Variants in OSBPL1A observed in about 807,000 individuals in gnomAD.
OSBPL1A encodes oxysterol-binding protein-related protein 1.
OSBPL1A carries 80 observed loss-of-function variants against 137.1 expected under a neutral mutation model. That is an observed-to-expected ratio of 0.58 (90% CI 0.49 to 0.70). The LOEUF is 0.70. OSBPL1A is among the 30% of genes least tolerant of loss of function. OSBPL1A has a pLI of 0.00. For missense variants in OSBPL1A, 970 were observed against 1,129.4 expected (o/e 0.86, Z 2.02); for synonymous variants, 365 against 389.7 (o/e 0.94, Z 0.75).
intron 13 of OSBPL1A, among the ~76,000 whole-genome samples, chr18:24,311,265 A>G (rs1048736701): frequency 6.6e-6 from 1 of 152,208 alleles, no homozygotes; most frequent in African/African-American, 2.4e-5. Flanking sequence ...TTTAATTTAT[A>G]AAGACAAAAA....
At chr18:24,380,260 T>TA (rs1012480237) in intron 1 of OSBPL1A, among the ~76,000 whole-genome samples, 2 of 151,912 alleles carry the variant, frequency 1.3e-5, no homozygotes, top group Admixed American at 6.6e-5. Flanking sequence ...TCACCAAAAT[T>TA]AAAAAACCAA....
intron 15 of OSBPL1A, among the ~76,000 whole-genome samples, chr18:24,264,429 C>T (rs1352104524): frequency 2.6e-5 from 4 of 152,042 alleles, no homozygotes; most frequent in Admixed American, 2.0e-4. Context: ...GGGTGTAACG[C>T]CAACTTATAA....
In OSBPL1A at chr18:24,377,504, G is replaced by A. The variant is rs771863156; in HGVS notation, c.30C>T (p.Leu10=). 1 of 1,610,348 alleles carries A rather than the reference G, an allele frequency of 6.2e-7. No individual in the cohort carries two copies. Among genetic ancestry groups the A allele is most frequent in the South Asian group, 1.1e-5 (1 of 89,834 alleles). MNTEAEQQL[L]HHARNGNAEE... is the part of the protein sequence containing the mutation. ...CAGCATTGCCATTTCTGGCGTGATG[G>A]AGAAGCTGTTGCTCCGCTTCTGTGT... Residue 10 remains leucine, a synonymous_variant, in exon 2 of 28, where the codon CTC becomes CTT. Coordinates refer to ENST00000319481, the MANE Select transcript of OSBPL1A (RefSeq NM_080597.4).
At chr18:24,314,981 T>C (rs2146117167) in intron 11 of OSBPL1A, among the ~76,000 whole-genome samples, 1 of 152,152 alleles carries the variant, frequency 6.6e-6, no homozygotes, top group Non-Finnish European at 1.5e-5. Flanking sequence ...TGGGAAAAGG[T>C]AGATTTCTTC....
At chr18:24,266,552 G>A (rs1209220332) in intron 15 of OSBPL1A, among the ~76,000 whole-genome samples, 1 of 152,134 alleles carries the variant, frequency 6.6e-6, no homozygotes, top group East Asian at 1.9e-4. Context: ...AAAAGAGGAA[G>A]AAGGTGAGCA....
At chr18:24,167,620 A>G (rs546306066) in intron 24 of OSBPL1A, among the ~76,000 whole-genome samples, 175 bp from the exon 25 acceptor site, 5 of 152,334 alleles carry the variant, frequency 3.3e-5, no homozygotes, top group African/African-American at 1.2e-4. Context: ...GGCACTGTGG[A>G]TCAAGTAAGG....
chr18:24,209,709 A>C (rs185867957), intron 17 of OSBPL1A, among the ~76,000 whole-genome samples: 33 of 152,366 alleles, frequency 2.2e-4, no homozygotes, highest in Non-Finnish European at 1.5e-5. Flanking sequence ...AAAAGGAAAG[A>C]GCAACGATAT....
chr18:24,270,200 C>A (rs2089683793), intron 15 of OSBPL1A, among the ~76,000 whole-genome samples: 1 of 152,102 alleles, frequency 6.6e-6, no homozygotes, highest in Admixed American at 6.5e-5. Context: ...TTTAGCCAAC[C>A]TTTTTATAAA....
At chr18:24,185,869 G>C (rs892566537) in intron 18 of OSBPL1A, among the ~76,000 whole-genome samples, 1 of 152,106 alleles carries the variant, frequency 6.6e-6, no homozygotes, top group Non-Finnish European at 1.5e-5. Context: ...CCAGGAATTC[G>C]AGACCCGCCT....
chr18:24,325,191 G>GT (rs1427330257), intron 7 of OSBPL1A, among the ~76,000 whole-genome samples: 1 of 152,270 alleles, frequency 6.6e-6, no homozygotes, highest in Non-Finnish European at 1.5e-5. Flanking sequence ...GGGTATAAAC[G>GT]TAAGGGATGG....
chr18:24,262,907 T>G (rs2089476398), intron 15 of OSBPL1A, among the ~76,000 whole-genome samples: 1 of 152,180 alleles, frequency 6.6e-6, no homozygotes, highest in Admixed American at 6.5e-5. Context: ...ATCTAGCTTT[T>G]TTTACTAGTA....
intron 16 of OSBPL1A, among the ~76,000 whole-genome samples, chr18:24,225,604 G>C (rs2088047989): frequency 6.6e-6 from 1 of 152,166 alleles, no homozygotes; most frequent in South Asian, 2.1e-4. Context: ...GTAGTAGCTA[G>C]CTGTCCTTAT....
At chr18:24,386,138 C>T (rs1198336613) in intron 1 of OSBPL1A, among the ~76,000 whole-genome samples, 2 of 151,858 alleles carry the variant, frequency 1.3e-5, no homozygotes, top group Non-Finnish European at 2.9e-5. Context: ...AGGACTCTTC[C>T]TATAAGACAG....
intron 18 of OSBPL1A, among the ~76,000 whole-genome samples, chr18:24,195,600 T>G (rs939842990): frequency 1.3e-5 from 2 of 152,122 alleles, no homozygotes; most frequent in African/African-American, 2.4e-5. Context: ...GACATCAGGG[T>G]GGTGGTGTTG....
In OSBPL1A at chr18:24,384,375, G is replaced by A. The variant is rs533332219; in HGVS notation, c.-2-6840C>T. Among the ~76,000 whole-genome samples, 6 of 151,844 alleles carry A rather than the reference G, an allele frequency of 4.0e-5. No homozygotes were observed. In the East Asian group the frequency reaches 5.8e-4, roughly 15 times the overall value. Reference sequence around the variant, plus strand: ...GATCAGTTGAGGTCAGGAGTTGGAGGCCAGCCTGGCCAACATGGGGAAACC... The same window carrying A: ...GATCAGTTGAGGTCAGGAGTTGGAGACCAGCCTGGCCAACATGGGGAAACC... On this transcript the variant is annotated intron_variant, in intron 1 of 27. Transcript: ENST00000319481.
chr18:24,318,034 A>C (rs527731258), intron 9 of OSBPL1A, among the ~76,000 whole-genome samples: 249 of 152,252 alleles, frequency 1.6e-3, no homozygotes, highest in African/African-American at 5.4e-3. Context: ...ACTCCTTTTC[A>C]TAAAAACTTA....
At chr18:24,253,097 A>G (rs2089150040) in intron 15 of OSBPL1A, among the ~76,000 whole-genome samples, 1 of 143,060 alleles carries the variant, frequency 7.0e-6, no homozygotes, top group African/African-American at 2.5e-5. Context: ...TAACAAAACG[A>G]CAGGAGTCCC....
intron 15 of OSBPL1A, among the ~76,000 whole-genome samples, chr18:24,263,144 G>A (rs1420031316): frequency 6.6e-6 from 1 of 152,128 alleles, no homozygotes; most frequent in Non-Finnish European, 1.5e-5. Context: ...GTTTTGACAA[G>A]TGTTTTCACA....
chr18:24,164,235 TCAA>T (rs920240712), intron 27 of OSBPL1A, among the ~76,000 whole-genome samples: 2 of 152,076 alleles, frequency 1.3e-5, no homozygotes, highest in Non-Finnish European at 2.9e-5. Flanking sequence ...GAGAAAATGT[TCAA>T]CATCACTAAT....
Sources: allele counts gnomAD v4.1 joint callset (sites outside exome capture counted in the v4.1 genomes callset), GRCh38; gene constraint gnomAD v4.1.1; transcripts MANE v1.5; gene names NCBI Gene and HGNC (gene_info 2026-07-23, HGNC 2026-07-21).